Variants in ZCCHC7 observed in about 807,000 individuals in gnomAD.
ZCCHC7 encodes zinc finger CCHC domain-containing protein 7.
In ZCCHC7, 35 loss-of-function variants were observed where a neutral mutation model predicts 52.0. The observed-to-expected ratio is 0.67, with a 90% CI of 0.51 to 0.89. The LOEUF is 0.89. Ranked by LOEUF, ZCCHC7 falls within the 40% of genes least tolerant of loss-of-function variation. The pLI is 0.00. For missense variants in ZCCHC7, 574 were observed against 649.1 expected (o/e 0.88, Z 1.26); for synonymous variants, 217 against 221.5 (o/e 0.98, Z 0.18).
At chr9:37,185,036 A>G (rs1173694751) in intron 2 of ZCCHC7, among the ~76,000 whole-genome samples, 1 of 152,072 alleles carries the variant, frequency 6.6e-6, no homozygotes, top group Non-Finnish European at 1.5e-5. Flanking sequence ...GAACTTGCTG[A>G]GATCTTTTTT....
intron 4 of ZCCHC7, among the ~76,000 whole-genome samples, chr9:37,304,546 A>AGAGG (rs1391499068): frequency 2.0e-5 from 3 of 152,038 alleles, no homozygotes; most frequent in Non-Finnish European, 4.4e-5. Context: ...AGTCCCAGCT[A>AGAGG]CTTGGGAGGC....
intron 5 of ZCCHC7, among the ~76,000 whole-genome samples, chr9:37,323,185 C>T (rs986890719): frequency 2.0e-5 from 3 of 152,148 alleles, no homozygotes; most frequent in Non-Finnish European, 2.9e-5. Context: ...CATTATCATG[C>T]TACATTTTAC....
chr9:37,163,160 C>G (rs954071107), intron 2 of ZCCHC7, among the ~76,000 whole-genome samples: 3 of 151,882 alleles, frequency 2.0e-5, no homozygotes, highest in African/African-American at 7.3e-5. Context: ...GAGATCGCAC[C>G]ACTGCAGTTC....
At chr9:37,167,865 C>A (rs1447115982) in intron 2 of ZCCHC7, among the ~76,000 whole-genome samples, 1 of 152,156 alleles carries the variant, frequency 6.6e-6, no homozygotes, top group African/African-American at 2.4e-5. Flanking sequence ...AGACACTATT[C>A]CCATCCCTGT....
chr9:37,234,823 T>C (rs1825567453), intron 2 of ZCCHC7, among the ~76,000 whole-genome samples: 1 of 152,228 alleles, frequency 6.6e-6, no homozygotes, highest in South Asian at 2.1e-4. Flanking sequence ...ATTATAACTT[T>C]ATGAAAATAT....
At chr9:37,326,417 C>G (rs1403632565) in intron 5 of ZCCHC7, among the ~76,000 whole-genome samples, 1 of 151,180 alleles carries the variant, frequency 6.6e-6, no homozygotes, top group Non-Finnish European at 1.5e-5. Flanking sequence ...ACTTTAGTTT[C>G]CAGGAATTTG....
At chr9:37,272,792 T>C (rs1588588526) in intron 2 of ZCCHC7, among the ~76,000 whole-genome samples, 2 of 152,274 alleles carry the variant, frequency 1.3e-5, no homozygotes, top group African/African-American at 4.8e-5. Context: ...TCTAAACTTA[T>C]CTGCACTCTG....
chr9:37,121,775 G>C (rs983928418), intron 1 of ZCCHC7: 6 of 152,192 alleles, frequency 3.9e-5, no homozygotes, highest in African/African-American at 7.2e-5. Context: ...ATCCCAAGAA[G>C]AGCTGGGACT....
At chr9:37,249,616 T>A (rs961579609) in intron 2 of ZCCHC7, among the ~76,000 whole-genome samples, 2 of 152,044 alleles carry the variant, frequency 1.3e-5, no homozygotes, top group African/African-American at 4.8e-5. Context: ...CACACCCAGC[T>A]AATTTTTGTA....
chr9:37,163,422 A>G (rs773527922), intron 2 of ZCCHC7, among the ~76,000 whole-genome samples: 4 of 150,934 alleles, frequency 2.7e-5, no homozygotes, highest in Non-Finnish European at 5.9e-5. Context: ...AAAAAATAGC[A>G]GTTTTCTAAA....
chr9:37,236,601 A>C (rs1419592934), intron 2 of ZCCHC7, among the ~76,000 whole-genome samples: 1 of 151,908 alleles, frequency 6.6e-6, no homozygotes, highest in Non-Finnish European at 1.5e-5. Context: ...TCACCGTGTT[A>C]GCCAGGATGA....
intron 2 of ZCCHC7, among the ~76,000 whole-genome samples, chr9:37,206,316 C>G (rs1267262297): frequency 1.3e-5 from 2 of 149,272 alleles, no homozygotes; most frequent in Admixed American, 6.7e-5. Context: ...CCCTCTCCCT[C>G]CTCCTCCCCA....
intron 2 of ZCCHC7, among the ~76,000 whole-genome samples, chr9:37,157,212 A>G (rs78655719): frequency 2.8e-5 from 4 of 140,850 alleles, no homozygotes; most frequent in East Asian, 4.0e-4. Flanking sequence ...AAAAAAAAAA[A>G]GGCGGCCGGG....
At chr9:37,171,322 G>A (rs193254021) in intron 2 of ZCCHC7, among the ~76,000 whole-genome samples, 1 of 152,304 alleles carries the variant, frequency 6.6e-6, no homozygotes, top group Admixed American at 6.5e-5. Flanking sequence ...ATTGTTTCTT[G>A]CTGGTGAGTT....
intron 2 of ZCCHC7, among the ~76,000 whole-genome samples, chr9:37,258,642 C>T (rs1205670612): frequency 6.6e-6 from 1 of 150,380 alleles, no homozygotes; most frequent in Non-Finnish European, 1.5e-5. Flanking sequence ...CAGCTAGCTC[C>T]TTGGGAGGCT....
intron 2 of ZCCHC7, among the ~76,000 whole-genome samples, chr9:37,176,060 T>C (rs1470820925): frequency 6.6e-6 from 1 of 151,748 alleles, no homozygotes; most frequent in African/African-American, 2.4e-5. Flanking sequence ...TTGTTTTTGT[T>C]TGTTTGTTTG....
At chr9:37,333,258 T>G (rs1196773642) in intron 6 of ZCCHC7, among the ~76,000 whole-genome samples, 1 of 151,714 alleles carries the variant, frequency 6.6e-6, no homozygotes, top group Non-Finnish European at 1.5e-5. Flanking sequence ...TGTTTTGGCA[T>G]AGAAGCAGCT....
chr9:37,158,464 G>A (rs376120730), intron 2 of ZCCHC7, among the ~76,000 whole-genome samples: 1 of 152,328 alleles, frequency 6.6e-6, no homozygotes, highest in East Asian at 1.9e-4. Flanking sequence ...TCAAGGAATG[G>A]ATGATGTGGG....
chr9:37,133,279 A>C (rs911290998), intron 2 of ZCCHC7, among the ~76,000 whole-genome samples: 1 of 152,198 alleles, frequency 6.6e-6, no homozygotes, highest in African/African-American at 2.4e-5. Context: ...TGTAAATACC[A>C]TGTAAATAAC....
Sources: gnomAD v4.1 joint callset for allele counts (sites outside exome capture counted in the v4.1 genomes callset) on GRCh38, gnomAD v4.1.1 for gene constraint, MANE v1.5 for transcripts, NCBI Gene and HGNC (gene_info 2026-07-23, HGNC 2026-07-21) for gene names.